Variants in FBN2 observed in about 807,000 individuals in gnomAD.
FBN2 encodes fibrillin 2.
A neutral mutation model predicts 355.6 loss-of-function variants in FBN2; 105 were observed. That is an observed-to-expected ratio of 0.30 (90% CI 0.25 to 0.35). The LOEUF is 0.35. Ranked by LOEUF, FBN2 falls within the 10% of genes least tolerant of loss-of-function variation. FBN2 has a pLI of 1.00. For missense variants in FBN2, 3,280 were observed against 3,758.7 expected (o/e 0.87, Z 3.33); for synonymous variants, 1,350 against 1,301.2 (o/e 1.04, Z -0.81).
intron 11 of FBN2, 30 bp from the exon 12 acceptor site, chr5:128,378,920 CT>C: frequency 1.2e-6 from 2 of 1,612,074 alleles, no homozygotes; most frequent in Non-Finnish European, 1.7e-6. Context: ...CCATTATAGA[CT>C]TCACTCCATT....
At chr5:128,309,428 C>T in intron 40 of FBN2, 29 bp from the exon 41 acceptor site, 1 of 1,603,264 alleles carries the variant, frequency 6.2e-7, no homozygotes. Context: ...AGAAACTAGC[C>T]ATTTGTATCC....
chr5:128,339,178 A>G (rs923889815), intron 25 of FBN2, 117 bp from the exon 26 acceptor site: 25 of 1,030,754 alleles, frequency 2.4e-5, no homozygotes, highest in Middle Eastern at 4.1e-4. Context: ...GTACAAGGGT[A>G]TGTTTTCAGT....
chr5:128,366,133 T>C (rs995599813), intron 17 of FBN2, among the ~76,000 whole-genome samples: 4 of 146,760 alleles, frequency 2.7e-5, no homozygotes, highest in Admixed American at 1.4e-4. Flanking sequence ...ATCAGGAGAG[T>C]AGTTTGTTAG....
chr5:128,303,160 T>TTAA, intron 45 of FBN2, 71 bp from the exon 46 acceptor site: 2 of 871,254 alleles, frequency 2.3e-6, no homozygotes, highest in South Asian at 1.3e-5. Flanking sequence ...CCGTTTTATA[T>TTAA]GTTTAACTTA....
chr5:128,335,108 T>C (rs939436966), intron 30 of FBN2, 62 bp downstream of exon 30: 1 of 1,603,754 alleles, frequency 6.2e-7, no homozygotes, highest in African/African-American at 1.3e-5. Context: ...CACGCTTGTG[T>C]GTGCATGTGG....
In FBN2 at chr5:128,309,330, A is replaced by T; in HGVS notation, c.5270T>A (p.Val1757Glu). The change falls in exon 41 of 65, where the codon GTG becomes GAG. Residue 1757 changes from valine to glutamate, a missense_variant. Val to Glu is a moderately radical substitution (Grantham distance 121). Around this residue, in one of 6 missense-constraint regions of FBN2, gnomAD observed 2,284 missense variants for 2,749.5 expected, o/e 0.83. Transcript: ENST00000262464. ...TGTGCAGCAGCACATCCTTTTTGTC[A>T]CATTGAAAGGCAACTCATTCTCACA... is the stretch of plus-strand genomic sequence containing the variant. ...TTCENELPFNVTKRMCCCTYN... is the reference protein window; with the variant it reads ...TTCENELPFNETKRMCCCTYN... 6.2e-7 allele frequency: 1 copy of T among 1,614,034 alleles called. No individual in the cohort carries two copies. Among genetic ancestry groups the T allele is most frequent in the Non-Finnish European group, 8.5e-7 (1 of 1,179,888 alleles).
At chr5:128,464,675 G>A (rs1373485669) in intron 6 of FBN2, 49 bp downstream of exon 6, 2 of 1,589,348 alleles carry the variant, frequency 1.3e-6, no homozygotes, top group African/African-American at 2.7e-5. Context: ...CCAACAAAAA[G>A]AGAAGTGGCA....
intron 20 of FBN2, among the ~76,000 whole-genome samples, chr5:128,354,242 A>G (rs891809379): frequency 9.9e-5 from 15 of 152,186 alleles, no homozygotes; most frequent in African/African-American, 3.6e-4. Context: ...CCCGAGAGAA[A>G]AACATTCCTG....
rs886039151 is a variant in FBN2 at position 128,330,602 on chromosome 5, C to T, written c.4316G>A (p.Gly1439Asp). 9 of 1,614,086 alleles carry T rather than the reference C, an allele frequency of 5.6e-6. No homozygotes were observed. The highest frequency in any genetic ancestry group is 6.8e-6 in the Non-Finnish European group (8 of 1,179,968). The change falls in exon 33 of 65, where the codon GGT becomes GAT. Residue 1439 changes from glycine (G) to aspartate (D), a missense_variant. Gly to Asp is a moderately conservative substitution (Grantham distance 94). Coordinates refer to ENST00000262464, the MANE Select transcript of FBN2 (RefSeq NM_001999.4). ...PGSYRCACSEGFTGDGFTCSD... is the reference protein window; with the variant it reads ...PGSYRCACSEDFTGDGFTCSD... ...GCAGGTAAAGCCATCACCAGTGAAACCTTCGGAGCAGGCACAGCGGTATGA... is the reference window on the plus strand; with the variant it reads ...GCAGGTAAAGCCATCACCAGTGAAATCTTCGGAGCAGGCACAGCGGTATGA...
Position 128,525,811 on chromosome 5 carries a change from A to G in FBN2, c.532+2061T>C, listed in dbSNP as rs920006663. On this transcript the variant is annotated intron_variant, in intron 4 of 64. Coordinates refer to ENST00000262464, the MANE Select transcript of FBN2 (RefSeq NM_001999.4). ...GAATTTTGACACTTTTAAGTAGTTGAAAAATCAAAGAAATAATACTCAGTC... is the reference window on the plus strand; with the variant it reads ...GAATTTTGACACTTTTAAGTAGTTGGAAAATCAAAGAAATAATACTCAGTC... 1.4e-4 allele frequency among the ~76,000 whole-genome samples: 21 copies of G among 152,182 alleles called. 1 individual carries two copies. Among genetic ancestry groups the G allele is most frequent in the Non-Finnish European group, 2.8e-4 (19 of 68,016 alleles).
rs755437836 is a variant in FBN2, at chr5:128,278,733, C to T, written c.7247G>A (p.Arg2416Gln). 9.9e-6 allele frequency: 16 copies of T among 1,614,006 alleles called. No individual in the cohort carries two copies. The highest frequency in any genetic ancestry group is 1.7e-5 in the Admixed American group (1 of 60,000). ...AAGCTCGCACTGGTGGCCCCAGCCT[C>T]GCCCACCATCACAGCAGCATTCTGA... ...TKSECCCDGG[R>Q]GWGHQCELCP... Residue 2416 changes from arginine (R) to glutamine (Q), a missense_variant, in exon 57 of 65, where the codon CGA becomes CAA. Coordinates refer to ENST00000262464, the MANE Select transcript of FBN2 (RefSeq NM_001999.4).
Position 128,480,029 on chromosome 5 carries a change from TACAC to T in FBN2, c.629-15112_629-15109del, listed in dbSNP as rs762120121. On this transcript the variant is annotated intron_variant, in intron 5 of 64. Transcript: ENST00000262464. ...ATATATATATATATATATATGTATATACACACACACACACACATATTCTATGTAT... is the reference window on the plus strand; with the variant it reads ...ATATATATATATATATATATGTATATACACACACACACATATTCTATGTAT... Among the ~76,000 whole-genome samples the T allele has an allele frequency of 1.3e-3, 139 of 103,818 alleles. 2 individuals carry two copies. The highest frequency in any genetic ancestry group is 2.1e-3 in the Non-Finnish European group (107 of 51,474). The allele number at this position is 103,818 out of a possible 152,430, so 68.1% of individuals were successfully genotyped here. A position where few individuals can be genotyped will look rare whatever the true frequency, so the allele number is the denominator to read the frequency against.
chr5:128,413,117 T>G (rs1753112672), intron 7 of FBN2, among the ~76,000 whole-genome samples: 1 of 152,194 alleles, frequency 6.6e-6, no homozygotes, highest in Admixed American at 6.5e-5. Flanking sequence ...CCAGTAAAAA[T>G]TCTAATCTAC....
chr5:128,343,591 C>CATGG (rs1404549942), intron 25 of FBN2, among the ~76,000 whole-genome samples: 1 of 152,160 alleles, frequency 6.6e-6, no homozygotes, highest in Non-Finnish European at 1.5e-5. Flanking sequence ...TCTGGAACAA[C>CATGG]ATGGTATACT....
intron 6 of FBN2, among the ~76,000 whole-genome samples, chr5:128,452,050 TAAAATAAAAAAGA>T: frequency 6.6e-6 from 1 of 152,180 alleles, no homozygotes; most frequent in Middle Eastern, 3.4e-3. Context: ...AGTTAGCAGT[TAAAATAAAAAAGA>T]AAATTTAAAA....
chr5:128,422,339 A>T (rs1028417130), intron 7 of FBN2, among the ~76,000 whole-genome samples: 1 of 152,230 alleles, frequency 6.6e-6, no homozygotes, highest in Non-Finnish European at 1.5e-5. Flanking sequence ...AGGGAACACA[A>T]GCAATTTTAC....
intron 8 of FBN2, among the ~76,000 whole-genome samples, chr5:128,397,960 G>A (rs1374581268): frequency 1.3e-5 from 2 of 152,196 alleles, no homozygotes; most frequent in East Asian, 1.9e-4. Context: ...TATGGATAAG[G>A]TAATGGAGGC....
In FBN2 at chr5:128,474,381, T is replaced by C. The variant is rs1476090303; in HGVS notation, c.629-9460A>G. On this transcript the variant is annotated intron_variant, in intron 5 of 64. Coordinates refer to ENST00000262464, the MANE Select transcript of FBN2 (RefSeq NM_001999.4). ...TCAAATTTAAAAGTACCACATTTTA[T>C]AGTATCTTAGGAAAATCTGTACTAT... Among the ~76,000 whole-genome samples, 4 of 152,218 alleles carry C rather than the reference T, an allele frequency of 2.6e-5. No homozygotes were observed. In the East Asian group the frequency reaches 5.8e-4, roughly 22 times the overall value.
intron 55 of FBN2, among the ~76,000 whole-genome samples, chr5:128,283,582 G>T (rs1321772382): frequency 4.6e-5 from 7 of 152,134 alleles, no homozygotes; most frequent in African/African-American, 1.7e-4. Flanking sequence ...CCAGTGTCCT[G>T]GGAAGGAGCC....
Sources: allele counts gnomAD v4.1 joint callset (sites outside exome capture counted in the v4.1 genomes callset), GRCh38; gene constraint gnomAD v4.1.1; regional missense constraint gnomAD v4.1.1; transcripts MANE v1.5; gene names NCBI Gene and HGNC (gene_info 2026-07-23, HGNC 2026-07-21).